The following MYO5C variants were observed in gnomAD, a reference collection of about 807,000 sequenced individuals.
The protein encoded by MYO5C is unconventional myosin-Vc.
In MYO5C, 194 loss-of-function variants were observed where a neutral mutation model predicts 235.7. The ratio of observed to expected loss-of-function variants is 0.82; its 90% CI spans 0.73 to 0.93. MYO5C has a LOEUF of 0.93. Ranked by LOEUF, MYO5C falls within the 40% of genes least tolerant of loss-of-function variation. MYO5C has a pLI of 0.00. For missense variants in MYO5C, 2,038 were observed against 2,127.2 expected, an observed-to-expected ratio of 0.96 and a Z score of 0.82; for synonymous variants, 707 against 754.8, an observed-to-expected ratio of 0.94 and a Z score of 1.04.
Position 52,251,438 on chromosome 15 carries a change from CT to C in MYO5C, c.1613del (p.Lys538SerfsTer18). The stretch of plus-strand genomic sequence containing the variant: ...CAAAGGATGTGTTTGACATTCTAGG[CT>C]TTTCAAACAAAGGGTTCCTGTTGAC... Reference protein sequence around the residue: ...NFVNRNPLFEKPRMSNTSFVI... With the variant: ...NFVNRNPLFEXPRMSNTSFVI... On this transcript the variant is annotated frameshift_variant, in exon 13 of 41. Transcript: ENST00000261839. LOFTEE classifies it high-confidence loss of function. 2 of 1,605,086 alleles carry C rather than the reference CT, an allele frequency of 1.2e-6. No homozygotes were observed. The highest frequency in any genetic ancestry group is 1.7e-6 in the Non-Finnish European group (2 of 1,174,998).
intron 20 of MYO5C, among the ~76,000 whole-genome samples, chr15:52,241,524 G>T (rs1379930229): frequency 1.3e-5 from 2 of 152,056 alleles, no homozygotes; most frequent in Non-Finnish European, 2.9e-5. Context: ...CTCCCACAGT[G>T]CTGGGATTAC....
chr15:52,286,937 TAAAAAAAAAAAAGAAAAAAG>T (rs1268444045), intron 1 of MYO5C, among the ~76,000 whole-genome samples: 7 of 50,284 alleles, frequency 1.4e-4, no homozygotes, highest in Non-Finnish European at 2.6e-4. Flanking sequence ...GAATGATCAA[TAAAAAAAAAAAAGAAAAAAG>T]AAAAAAAAAA....
At chr15:52,261,628 A>G (rs917493775) in intron 9 of MYO5C, among the ~76,000 whole-genome samples, 2 of 152,210 alleles carry the variant, frequency 1.3e-5, no homozygotes, top group African/African-American at 4.8e-5. Context: ...TGGGAGTCCC[A>G]TGGCTGAGCT....
rs758993594 is a variant in MYO5C, at chr15:52,211,873, G to A, written c.4153C>T (p.Arg1385Cys). The change falls in exon 35 of 41, where the codon CGT becomes TGT. Residue 1385 changes from arginine (R) to cysteine (C), a missense_variant. Transcript: ENST00000261839. ...IQNLILDLKP[R>C]GVVVNMIPGL... ...GGGATCATGTTCACCACCACGCCACGGGGCTTCAAGTCTGAAGCAGAGAGA... is the reference window on the plus strand; with the variant it reads ...GGGATCATGTTCACCACCACGCCACAGGGCTTCAAGTCTGAAGCAGAGAGA... The A allele has an allele frequency of 2.3e-5, 37 of 1,613,650 alleles. No individual in the cohort carries two copies. The highest frequency in any genetic ancestry group is 7.7e-5 in the South Asian group (7 of 91,034).
At chr15:52,271,909 T>C in intron 6 of MYO5C, 65 bp from the exon 7 acceptor site, 1 of 1,002,042 alleles carries the variant, frequency 1.0e-6, no homozygotes, top group Non-Finnish European at 1.5e-6. Flanking sequence ...GCCAGGTTTT[T>C]AACTAGAGGG....
At chr15:52,282,466 G>C (rs993281608) in intron 2 of MYO5C, among the ~76,000 whole-genome samples, 3 of 152,182 alleles carry the variant, frequency 2.0e-5, no homozygotes, top group African/African-American at 7.2e-5. Context: ...CCAAAATGGC[G>C]AATCACTTTT....
intron 18 of MYO5C, 33 bp downstream of exon 18, chr15:52,245,321 G>T: frequency 7.3e-7 from 1 of 1,374,258 alleles, no homozygotes; most frequent in South Asian, 1.2e-5. Flanking sequence ...TTCCAGGAAG[G>T]AGACCATGAT....
chr15:52,248,135 ATTTTGTTTTG>A (rs547866499), intron 14 of MYO5C, among the ~76,000 whole-genome samples: 2 of 151,930 alleles, frequency 1.3e-5, no homozygotes, highest in African/African-American at 4.8e-5. Flanking sequence ...TGAATTTCAT[ATTTTGTTTTG>A]TTTTGTTTTG....
At chr15:52,269,987 T>C in intron 7 of MYO5C, 127 bp from the exon 8 acceptor site, 1 of 704,366 alleles carries the variant, frequency 1.4e-6, no homozygotes, top group Non-Finnish European at 2.5e-6. Flanking sequence ...ATTCCATTTA[T>C]TCCTTAGAAC....
At chr15:52,275,326 T>C (rs55763365) in intron 5 of MYO5C, among the ~76,000 whole-genome samples, 20,106 of 152,230 alleles carry the variant, frequency 0.13, 2,382 homozygotes, top group East Asian at 0.63. Context: ...AGAGGACTCC[T>C]GGAGTCTGAT....
intron 17 of MYO5C, among the ~76,000 whole-genome samples, 169 bp from the exon 18 acceptor site, chr15:52,245,634 A>AC (rs1286614362): frequency 6.6e-6 from 1 of 152,070 alleles, no homozygotes. Context: ...CACTACCAAG[A>AC]CCACCCTGAG....
chr15:52,242,968 A>G (rs1343802289), intron 19 of MYO5C: 1 of 152,266 alleles, frequency 6.6e-6, no homozygotes, highest in East Asian at 1.9e-4. Context: ...GAAGAAAATT[A>G]GACGTCAATG....
At chr15:52,195,512 TA>T in intron 39 of MYO5C, 55 bp from the exon 40 acceptor site, 1 of 1,255,990 alleles carries the variant, frequency 8.0e-7, no homozygotes, top group Non-Finnish European at 1.1e-6. Flanking sequence ...ACTCTGTTCA[TA>T]AAATAATGGT....
At chr15:52,215,402 C>T (rs906176979) in intron 32 of MYO5C, among the ~76,000 whole-genome samples, 1 of 152,232 alleles carries the variant, frequency 6.6e-6, no homozygotes, top group Non-Finnish European at 1.5e-5. Context: ...AGTTCTTCCA[C>T]ATCTGAGCAT....
chr15:52,202,147 CA>C (rs2035202603), intron 38 of MYO5C, among the ~76,000 whole-genome samples: 2 of 152,152 alleles, frequency 1.3e-5, no homozygotes, highest in Non-Finnish European at 2.9e-5. Context: ...TCCGTTTCTA[CA>C]AAAATGGCAT....
In MYO5C at chr15:52,192,914, G is replaced by T. The variant is rs1181005789; in HGVS notation, c.*988C>A. The T allele has an allele frequency of 6.6e-6, 1 of 152,158 alleles. No individual in the cohort carries two copies. The highest frequency in any genetic ancestry group is 1.5e-5 in the Non-Finnish European group (1 of 68,032). 9.4% of individuals were successfully genotyped at this position (152,158 alleles called of 1,614,324 possible). A position where few individuals can be genotyped will look rare whatever the true frequency, so the allele number is the denominator to read the frequency against. ...GCAGGTAAGATTTGAAGTTCTTTCA[G>T]AGAAGATAAACGGCATGGCAATTAA... On this transcript the variant is annotated 3_prime_UTR_variant, in exon 41 of 41. Coordinates refer to ENST00000261839, the MANE Select transcript of MYO5C (RefSeq NM_018728.4).
rs1555414530 is a variant in MYO5C, at chr15:52,232,235, A to AAGAGAAGGAAGGAG, written c.3026+386_3026+387insCTCCTTCCTTCTCT. 4.8e-3 allele frequency among the ~76,000 whole-genome samples: 73 copies of AAGAGAAGGAAGGAG among 15,148 alleles called. 25 individuals carry two copies. Among genetic ancestry groups the AAGAGAAGGAAGGAG allele is most frequent in the African/African-American group, 8.8e-3 (71 of 8,064 alleles). The allele number at this position is 15,148 out of a possible 152,430, so 9.9% of individuals were successfully genotyped here. On this transcript the variant is annotated intron_variant, in intron 24 of 40. Transcript: ENST00000261839. ...AAGAAAGAAAATGAAAGAAAGAAGA[A>AAGAGAAGGAAGGAG]AGAAAGAAGGAAGGAGAGAAGGAAG...
chr15:52,222,540 TGAGTAA>T (rs923782782), intron 29 of MYO5C, among the ~76,000 whole-genome samples: 10 of 151,928 alleles, frequency 6.6e-5, no homozygotes, highest in Non-Finnish European at 1.3e-4. Flanking sequence ...GCTGAGACAC[TGAGTAA>T]GATGAGGGTG....
At position 52,290,673 on chromosome 15, in the gene MYO5C, C is replaced by T. The variant is rs145852764; in HGVS notation, c.27+4937G>A. On this transcript the variant is annotated intron_variant, in intron 1 of 40. Coordinates refer to ENST00000261839, the MANE Select transcript of MYO5C (RefSeq NM_018728.4). The stretch of plus-strand genomic sequence containing the variant: ...CCAGAGGCATGCCACAGAGCTCTAC[C>T]GCCTCCCCTTTCATTCAACACTTTC... 1.2e-4 allele frequency among the ~76,000 whole-genome samples: 18 copies of T among 150,182 alleles called. No individual in the cohort carries two copies. In the East Asian group the frequency reaches 1.7e-3, roughly 15 times the overall value.
Sources: allele counts gnomAD v4.1 joint callset (sites outside exome capture counted in the v4.1 genomes callset), GRCh38; gene constraint gnomAD v4.1.1; transcripts MANE v1.5; gene names NCBI Gene and HGNC (gene_info 2026-07-23, HGNC 2026-07-21).